Variants in ATXN3 observed in about 807,000 individuals in gnomAD.
ATXN3 encodes the protein ataxin 3, also known as ataxin-3.
Under a neutral mutation model 58.2 loss-of-function variants are expected in ATXN3, and 28 were observed. The observed-to-expected ratio is 0.48, with a 90% confidence interval of 0.36 to 0.66. The LOEUF (loss-of-function observed/expected upper bound fraction) is 0.66. Ranked by LOEUF, ATXN3 falls within the 30% of genes least tolerant of loss-of-function variation. The pLI, the probability that ATXN3 is intolerant of heterozygous loss-of-function variation, is 0.00. For missense variants in ATXN3, 321 were observed against 422.1 expected, an observed-to-expected ratio of 0.76 and a Z score of 2.10; for synonymous variants, 113 against 138.5, an observed-to-expected ratio of 0.82 and a Z score of 1.29.
downstream of ATXN3, among the ~76,000 whole-genome samples, chr14:92,056,182 G>A (rs1401898395): frequency 6.6e-6 from 1 of 152,150 alleles, no homozygotes; most frequent in Non-Finnish European, 1.5e-5. Context: ...CAGGACTCTG[G>A]GCACAAGAGC....
At chr14:92,083,526 T>C in intron 6 of ATXN3, 1 of 560,414 alleles carries the variant, frequency 1.8e-6, no homozygotes, top group South Asian at 1.5e-5. Flanking sequence ...AATATGTCTG[T>C]AAAGGGCCCT....
chr14:92,091,817 C>G (rs1272828814), intron 5 of ATXN3, among the ~76,000 whole-genome samples: 1 of 151,832 alleles, frequency 6.6e-6, no homozygotes, highest in African/African-American at 2.4e-5. Context: ...TCCCTAGCAC[C>G]TGGGACTACG....
intron 1 of ATXN3, chr14:92,048,045 C>CGG (rs2057434859): frequency 6.6e-6 from 1 of 152,430 alleles, no homozygotes; most frequent in Non-Finnish European, 1.5e-5. Context: ...TCTAGGGGCC[C>CGG]TGGGAGTGGC....
chr14:92,070,854 G>A (rs2059312325), intron 10 of ATXN3, 81 bp downstream of exon 10: 1 of 1,611,552 alleles, frequency 6.2e-7, no homozygotes. Context: ...GAAGAATAAT[G>A]TAAAGCAAAA....
chr14:92,090,790 GCTTA>G (rs2063609906), intron 5 of ATXN3, among the ~76,000 whole-genome samples: 1 of 151,934 alleles, frequency 6.6e-6, no homozygotes, highest in African/African-American at 2.4e-5. Flanking sequence ...AAAATTCAGT[GCTTA>G]CTTTATACAA....
upstream of ATXN3, among the ~76,000 whole-genome samples, chr14:92,052,976 G>T (rs996875490): frequency 6.6e-6 from 1 of 152,048 alleles, no homozygotes; most frequent in African/African-American, 2.4e-5. Context: ...TTTCAGCCAG[G>T]CACAGTGGCT....
At position 92,064,285 on chromosome 14, in the gene ATXN3, G is replaced by C. The variant is rs1280019865; in HGVS notation, c.*35C>G. 1.4e-6 allele frequency: 2 copies of C among 1,451,988 alleles called. No homozygotes were observed. Among genetic ancestry groups the C allele is most frequent in the Admixed American group, 1.7e-5 (1 of 59,038 alleles). The allele number at this position is 1,451,988 out of a possible 1,614,324, so 89.9% of individuals were successfully genotyped here. ...GCTGTAATCACACAGGATAATGTTG[G>C]AAAGTATGAATATCTAAATTATTTT... On this transcript the variant is annotated 3_prime_UTR_variant, in exon 11 of 11. Transcript: ENST00000644486.
At chr14:92,078,450 C>T (rs1015432527) in intron 9 of ATXN3, among the ~76,000 whole-genome samples, 2 of 152,134 alleles carry the variant, frequency 1.3e-5, no homozygotes, top group Admixed American at 6.5e-5. Context: ...GCAACCTCGC[C>T]TCCCGGGTTC....
At chr14:92,083,921 C>A (rs943572609) in intron 6 of ATXN3, among the ~76,000 whole-genome samples, 2 of 152,122 alleles carry the variant, frequency 1.3e-5, no homozygotes, top group African/African-American at 4.8e-5. Flanking sequence ...ACTTGCTGAG[C>A]CTTCATCTTT....
chr14:92,093,373 G>T, intron 4 of ATXN3, 55 bp from the exon 5 acceptor site: 1 of 844,710 alleles, frequency 1.2e-6, no homozygotes, highest in South Asian at 1.7e-5. Context: ...TATTTATGTT[G>T]TCTACTGGCA....
At chr14:92,083,097 A>G (rs756154307) in intron 7 of ATXN3, 29 bp downstream of exon 7, 288 of 1,591,460 alleles carry the variant, frequency 1.8e-4, no homozygotes, top group Non-Finnish European at 2.3e-4. Flanking sequence ...ATACTACCAT[A>G]TATTCCATAC....
At chr14:92,087,725 G>A (rs1301092207) in intron 6 of ATXN3, among the ~76,000 whole-genome samples, 1 of 152,166 alleles carries the variant, frequency 6.6e-6, no homozygotes, top group African/African-American at 2.4e-5. Flanking sequence ...TAAAGGAAAT[G>A]CTTGGGCCCC....
chr14:92,081,721 A>G (rs1000075222), intron 8 of ATXN3, among the ~76,000 whole-genome samples: 1 of 152,100 alleles, frequency 6.6e-6, no homozygotes, highest in South Asian at 2.1e-4. Flanking sequence ...AAGCAAATAC[A>G]TATGAGTTAG....
At chr14:92,071,949 G>C (rs1430548803) in intron 9 of ATXN3, among the ~76,000 whole-genome samples, 1 of 152,140 alleles carries the variant, frequency 6.6e-6, no homozygotes, top group African/African-American at 2.4e-5. Flanking sequence ...TTTATGGCAT[G>C]TAAGCTAATG....
chr14:92,057,533 G>A (rs2057485636), downstream of ATXN3, among the ~76,000 whole-genome samples: 1 of 152,104 alleles, frequency 6.6e-6, no homozygotes, highest in South Asian at 2.1e-4. Flanking sequence ...TAATGAACTA[G>A]CTTTCAATTT....
downstream of ATXN3, among the ~76,000 whole-genome samples, chr14:92,054,948 C>T (rs1020432168): frequency 1.3e-5 from 2 of 152,164 alleles, no homozygotes; most frequent in African/African-American, 4.8e-5. Context: ...GTGGCGTGAT[C>T]TCGGCTCACT....
chr14:92,096,040 GA>G, intron 3 of ATXN3, 52 bp downstream of exon 3: 1 of 1,406,268 alleles, frequency 7.1e-7, no homozygotes, highest in Non-Finnish European at 1.0e-6. Flanking sequence ...GAAAGGCTGT[GA>G]AACGGTGCCT....
intron 1 of ATXN3, among the ~76,000 whole-genome samples, chr14:92,103,697 A>AT (rs1324186640): frequency 6.6e-6 from 1 of 152,224 alleles, no homozygotes; most frequent in Non-Finnish European, 1.5e-5. Context: ...CACTGCAGAT[A>AT]TATCAGTGAG....
chr14:92,106,293 G>A (rs1402135021), intron 1 of ATXN3, among the ~76,000 whole-genome samples: 2 of 151,898 alleles, frequency 1.3e-5, no homozygotes, highest in Admixed American at 6.6e-5. Flanking sequence ...AGACGCCCCC[G>A]GCCCCGCCCA....
Sources: allele counts gnomAD v4.1 joint callset (sites outside exome capture counted in the v4.1 genomes callset), GRCh38; gene constraint gnomAD v4.1.1; transcripts MANE v1.5; gene names NCBI Gene and HGNC (gene_info 2026-07-23, HGNC 2026-07-21).